ACSS2: variants seen among roughly 807,000 people sequenced by gnomAD.
The protein encoded by ACSS2 is acyl-CoA synthetase short chain family member 2, also known as acetyl-coenzyme A synthetase, cytoplasmic.
Under a neutral mutation model 90.6 loss-of-function variants are expected in ACSS2, and 58 were observed. The ratio of observed to expected loss-of-function variants is 0.64; its 90% CI spans 0.52 to 0.80. ACSS2 has a LOEUF of 0.80. Among genes scored for constraint, ACSS2 ranks in the 30% least tolerant of loss-of-function variants. The pLI, the probability that ACSS2 is intolerant of heterozygous loss-of-function variation, is 0.00. For missense variants in ACSS2, 759 were observed against 912.0 expected (o/e 0.83, Z 2.16); for synonymous variants, 300 against 330.9 (o/e 0.91, Z 1.01).
At chr20:34,875,746 G>A (rs1219924774), upstream of ACSS2, 2 of 152,784 alleles carry the variant, frequency 1.3e-5, no homozygotes, top group Admixed American at 6.5e-5. Context: ...CTGTGCACCA[G>A]TTCCTTCCCT....
chr20:34,912,166 A>C (rs765155557), intron 2 of ACSS2, among the ~76,000 whole-genome samples: 1 of 152,252 alleles, frequency 6.6e-6, no homozygotes, highest in Non-Finnish European at 1.5e-5. Context: ...GTAGTTGTTG[A>C]ATAAGCAAAT....
At chr20:34,877,905 T>TAGAC (rs537409145) in intron 1 of ACSS2, among the ~76,000 whole-genome samples, 1 of 128,936 alleles carries the variant, frequency 7.8e-6, no homozygotes, top group Non-Finnish European at 1.5e-5. Flanking sequence ...GACAGATAGA[T>TAGAC]AGACAGATAG....
At chr20:34,922,603 T>G (rs2081227572) in intron 13 of ACSS2, among the ~76,000 whole-genome samples, 1 of 152,152 alleles carries the variant, frequency 6.6e-6, no homozygotes, top group Non-Finnish European at 1.5e-5. Context: ...AAATTCCGTC[T>G]CAGAAAAAAA....
At chr20:34,926,036 G>A (rs1294639675) in intron 15 of ACSS2, 69 bp from the exon 16 acceptor site, 2 of 1,547,762 alleles carry the variant, frequency 1.3e-6, no homozygotes, top group Non-Finnish European at 1.8e-6. Flanking sequence ...TGCCCCATGG[G>A]TACAGATGGA....
chr20:34,887,763 A>C (rs1283763908), intron 2 of ACSS2, among the ~76,000 whole-genome samples: 1 of 150,936 alleles, frequency 6.6e-6, no homozygotes, highest in African/African-American at 2.4e-5. Context: ...AAAACAAAAC[A>C]AATAGATCTA....
chr20:34,890,737 G>A (rs1033322836), intron 2 of ACSS2, among the ~76,000 whole-genome samples: 1 of 152,142 alleles, frequency 6.6e-6, no homozygotes, highest in Non-Finnish European at 1.5e-5. Context: ...ACCCTCAGCT[G>A]AAATCACTAC....
At chr20:34,911,341 C>A (rs2080953078) in intron 2 of ACSS2, among the ~76,000 whole-genome samples, 1 of 151,996 alleles carries the variant, frequency 6.6e-6, no homozygotes, top group African/African-American at 2.4e-5. Flanking sequence ...GCATGCACTA[C>A]CACACCCAGC....
chr20:34,909,281 T>C (rs550629891), intron 2 of ACSS2, among the ~76,000 whole-genome samples: 1 of 149,118 alleles, frequency 6.7e-6, no homozygotes, highest in South Asian at 2.2e-4. Flanking sequence ...GGTGGGAGGA[T>C]CACTTGAGTC....
intron 7 of ACSS2, among the ~76,000 whole-genome samples, chr20:34,917,506 T>G (rs978710205): frequency 1.3e-5 from 2 of 152,186 alleles, no homozygotes; most frequent in Non-Finnish European, 2.9e-5. Flanking sequence ...ATTTTCTAAT[T>G]TATCAAGCTA....
intron 2 of ACSS2, among the ~76,000 whole-genome samples, chr20:34,903,144 C>G (rs1390518238): frequency 1.3e-5 from 2 of 151,848 alleles, no homozygotes; most frequent in African/African-American, 4.8e-5. Context: ...GAGTTCGAGA[C>G]CAGACTGGCT....
intron 2 of ACSS2, among the ~76,000 whole-genome samples, chr20:34,904,846 T>C (rs1482388485): frequency 6.6e-6 from 1 of 151,716 alleles, no homozygotes; most frequent in Non-Finnish European, 1.5e-5. Context: ...GGGTTCCCCA[T>C]GTTATCCCAC....
intron 16 of ACSS2, 67 bp downstream of exon 16, chr20:34,926,348 T>C (rs558027053): frequency 1.3e-6 from 2 of 1,551,690 alleles, no homozygotes; most frequent in African/African-American, 1.4e-5. Context: ...CTGCAAGTTG[T>C]TGGGGAGGGG....
intron 1 of ACSS2, among the ~76,000 whole-genome samples, chr20:34,879,126 G>C (rs1375331348): frequency 6.6e-6 from 1 of 151,566 alleles, no homozygotes; most frequent in Non-Finnish European, 1.5e-5. Flanking sequence ...GGATGGTCTC[G>C]ATCTCCTGAC....
chr20:34,886,699 T>C (rs1257112912), intron 2 of ACSS2, among the ~76,000 whole-genome samples: 2 of 152,232 alleles, frequency 1.3e-5, no homozygotes, highest in Non-Finnish European at 2.9e-5. Flanking sequence ...ATCATATATT[T>C]AATATTTTCC....
At chr20:34,896,121 G>A (rs1428839325) in intron 2 of ACSS2, among the ~76,000 whole-genome samples, 1 of 152,204 alleles carries the variant, frequency 6.6e-6, no homozygotes, top group Non-Finnish European at 1.5e-5. Context: ...TTCCCCTCCT[G>A]TAAGTAGGCA....
intron 2 of ACSS2, among the ~76,000 whole-genome samples, chr20:34,897,992 T>TA (rs1451121978): frequency 1.3e-5 from 2 of 152,330 alleles, no homozygotes; most frequent in African/African-American, 4.8e-5. Context: ...CGGTGAGTGT[T>TA]ACAGCTCTTA....
chr20:34,910,138 C>A (rs1176465004), intron 2 of ACSS2, among the ~76,000 whole-genome samples: 1 of 151,828 alleles, frequency 6.6e-6, no homozygotes, highest in East Asian at 1.9e-4. Context: ...TCTCCTGCTT[C>A]AGCCTCCTGT....
chr20:34,887,240 C>G (rs1232970324), intron 2 of ACSS2, among the ~76,000 whole-genome samples: 1 of 152,214 alleles, frequency 6.6e-6, no homozygotes, highest in Non-Finnish European at 1.5e-5. Context: ...TCCAGATACT[C>G]TCACTCCTAG....
rs567980645 is a variant in ACSS2 at position 34,876,870 on chromosome 20, TGGGGGCTCCCTGGGGGAGTC to T, written c.178+59_178+78del. On this transcript the variant is annotated intron_variant, in intron 1 of 17. Coordinates refer to ENST00000360596, the MANE Select transcript of ACSS2 (RefSeq NM_018677.4). ...CCTGGGGTGTCAGTGAGGAGAAGAG[TGGGGGCTCCCTGGGGGAGTC>T]GGGGGCTCCCTTGGGAAGCTGAGGG... The T allele has an allele frequency of 4.6e-4, 553 of 1,212,236 alleles. 2 individuals are homozygous for T. In the Middle Eastern group the frequency reaches 5.3e-3, roughly 12 times the overall value. 75.1% of individuals were successfully genotyped at this position (1,212,236 alleles called of 1,614,324 possible).
Sources: allele counts gnomAD v4.1 joint callset (sites outside exome capture counted in the v4.1 genomes callset), GRCh38; gene constraint gnomAD v4.1.1; transcripts MANE v1.5; gene names NCBI Gene and HGNC (gene_info 2026-07-23, HGNC 2026-07-21).